Variants in STK10 observed in about 807,000 individuals in gnomAD.
The protein encoded by STK10 is serine/threonine kinase 10, also known as serine/threonine-protein kinase 10.
In STK10, 78 loss-of-function variants were observed where a neutral mutation model predicts 113.8. That is an observed-to-expected ratio of 0.69 (90% confidence interval 0.57 to 0.83). The LOEUF (loss-of-function observed/expected upper bound fraction) is 0.83. Ranked by LOEUF, STK10 falls within the 40% of genes least tolerant of loss-of-function variation. The probability of loss-of-function intolerance (pLI) is 0.00; values close to 1 mark genes in which losing one functional copy is unlikely to be tolerated. For missense variants in STK10, 1,109 were observed against 1,280.1 expected, an observed-to-expected ratio of 0.87 and a Z score of 2.04; for synonymous variants, 465 against 494.7, an observed-to-expected ratio of 0.94 and a Z score of 0.80.
At chr5:172,074,211 A>T (rs58236412) in intron 12 of STK10, among the ~76,000 whole-genome samples, 31,739 of 152,018 alleles carry the variant, frequency 0.21, 4,300 homozygotes, top group African/African-American at 0.38. Flanking sequence ...GTTTATATAG[A>T]AAGGCAAAAG....
intron 1 of STK10, among the ~76,000 whole-genome samples, chr5:172,185,925 T>C (rs1770948113): frequency 6.6e-6 from 1 of 152,008 alleles, no homozygotes; most frequent in East Asian, 1.9e-4. Context: ...TCACAAGACC[T>C]CTCCCTACCC....
chr5:172,111,399 C>T (rs1399814447), intron 4 of STK10, among the ~76,000 whole-genome samples: 1 of 152,180 alleles, frequency 6.6e-6, no homozygotes, highest in Admixed American at 6.5e-5. Flanking sequence ...CGTGCAATGA[C>T]ACACCGTAGG....
chr5:172,074,946 G>A (rs370227003), intron 12 of STK10, among the ~76,000 whole-genome samples: 7 of 140,508 alleles, frequency 5.0e-5, no homozygotes, highest in African/African-American at 1.9e-4. Context: ...TCGAACCCAC[G>A]AGCTGCAGGG....
chr5:172,154,865 A>G (rs1337137170), intron 2 of STK10, among the ~76,000 whole-genome samples: 1 of 152,148 alleles, frequency 6.6e-6, no homozygotes, highest in Non-Finnish European at 1.5e-5. Flanking sequence ...ACCTCACAGA[A>G]TGAAGATTAA....
At chr5:172,046,781 T>C (rs1008025815) in intron 18 of STK10, among the ~76,000 whole-genome samples, 1 of 152,216 alleles carries the variant, frequency 6.6e-6, no homozygotes, top group Non-Finnish European at 1.5e-5. Flanking sequence ...ACAGACAATC[T>C]GTAAATGAAC....
intron 7 of STK10, among the ~76,000 whole-genome samples, chr5:172,103,103 C>T (rs924234848): frequency 2.6e-5 from 4 of 152,224 alleles, no homozygotes; most frequent in Non-Finnish European, 2.9e-5. Context: ...TCTTGGAAGC[C>T]GGTAGACACC....
At chr5:172,100,936 G>A (rs1216187118) in intron 7 of STK10, among the ~76,000 whole-genome samples, 2 of 152,244 alleles carry the variant, frequency 1.3e-5, no homozygotes, top group South Asian at 2.1e-4. Context: ...GAGGTCAAGA[G>A]CACAGACTCT....
intron 15 of STK10, chr5:172,056,983 G>C (rs1767803281): frequency 9.8e-6 from 1 of 101,780 alleles, no homozygotes; most frequent in South Asian, 2.7e-4. Context: ...AAGAAAGAAA[G>C]AAAGAAAGAA....
At chr5:172,127,012 C>A (rs1769634696) in intron 3 of STK10, among the ~76,000 whole-genome samples, 1 of 152,036 alleles carries the variant, frequency 6.6e-6, no homozygotes, top group Admixed American at 6.6e-5. Context: ...ACTAAAAATA[C>A]AAAAACAAGC....
intron 4 of STK10, among the ~76,000 whole-genome samples, chr5:172,113,947 A>T (rs1163648684): frequency 6.6e-6 from 1 of 152,108 alleles, no homozygotes; most frequent in Non-Finnish European, 1.5e-5. Flanking sequence ...ATATTTACTG[A>T]GAACTTACCA....
chr5:172,179,919 C>A (rs1168454591), intron 1 of STK10, among the ~76,000 whole-genome samples: 4 of 152,072 alleles, frequency 2.6e-5, no homozygotes, highest in African/African-American at 9.7e-5. Context: ...CCTCACTTAA[C>A]CTGAGCTTCC....
Position 172,073,066 on chromosome 5 carries a change from T to C in STK10, c.1990-8254A>G, listed in dbSNP as rs144240922. ...TGGCTCACTTGCAGCCTCGAACTCC[T>C]GGGCTCAAGTGATCCTCTCTCACCT... On this transcript the variant is annotated intron_variant, in intron 12 of 18. Coordinates refer to ENST00000176763, the MANE Select transcript of STK10 (RefSeq NM_005990.4). Among the ~76,000 whole-genome samples, 480 of 152,302 alleles carry C rather than the reference T, an allele frequency of 3.2e-3. 4 individuals carry two copies. The highest frequency in any genetic ancestry group is 3.2e-3 in the Non-Finnish European group (217 of 68,034).
chr5:172,091,591 C>T (rs567356288), intron 9 of STK10, among the ~76,000 whole-genome samples: 13 of 147,092 alleles, frequency 8.8e-5, no homozygotes, highest in South Asian at 4.3e-4. Flanking sequence ...AGTGCAGTGG[C>T]GCAGTCTCAG....
intron 15 of STK10, 46 bp downstream of exon 15, chr5:172,057,303 G>T: frequency 6.4e-7 from 1 of 1,562,750 alleles, no homozygotes; most frequent in Non-Finnish European, 8.6e-7. Context: ...GCTCTCCCAG[G>T]TCGGCCCGGC....
intron 1 of STK10, among the ~76,000 whole-genome samples, chr5:172,176,083 A>G (rs1291016610): frequency 3.9e-5 from 6 of 152,206 alleles, no homozygotes; most frequent in African/African-American, 1.4e-4. Context: ...AGTGTCCTAG[A>G]CTAAGTGGTT....
At chr5:172,104,138 G>A (rs78996364) in intron 7 of STK10, among the ~76,000 whole-genome samples, 2 of 152,300 alleles carry the variant, frequency 1.3e-5, no homozygotes, top group Admixed American at 6.5e-5. Flanking sequence ...CTGGTGTGGC[G>A]CCTTCCTCCC....
At chr5:172,180,876 G>A (rs1403682036) in intron 1 of STK10, among the ~76,000 whole-genome samples, 5 of 152,162 alleles carry the variant, frequency 3.3e-5, no homozygotes, top group Admixed American at 2.0e-4. Context: ...TTGGCTCTGT[G>A]AGAACCCTTA....
chr5:172,086,656 C>T (rs541059323), intron 10 of STK10, among the ~76,000 whole-genome samples: 96 of 152,310 alleles, frequency 6.3e-4, no homozygotes, highest in Admixed American at 2.5e-3. Context: ...TCTCCAAAAA[C>T]GCCAGGGGTC....
chr5:172,081,435 C>T (rs541589997), intron 12 of STK10, among the ~76,000 whole-genome samples: 19 of 151,862 alleles, frequency 1.3e-4, no homozygotes, highest in African/African-American at 3.9e-4. Flanking sequence ...GGTGACAGCA[C>T]ATCTGTGTAC....
Sources: allele counts gnomAD v4.1 joint callset (sites outside exome capture counted in the v4.1 genomes callset), GRCh38; gene constraint gnomAD v4.1.1; transcripts MANE v1.5; gene names NCBI Gene and HGNC (gene_info 2026-07-23, HGNC 2026-07-21).